UBXN11: variants seen among roughly 807,000 people sequenced by gnomAD.
The protein encoded by UBXN11 is UBX domain-containing protein 11.
UBXN11 carries 47 observed loss-of-function variants against 62.8 expected under a neutral mutation model. The observed-to-expected ratio is 0.75, with a 90% CI of 0.59 to 0.95. UBXN11 has a LOEUF of 0.95. Ranked by LOEUF, UBXN11 falls within the 40% of genes least tolerant of loss-of-function variation. UBXN11 has a pLI of 0.00. For synonymous variants in UBXN11, 294 were observed against 267.0 expected, an observed-to-expected ratio of 1.10 and a Z score of -0.99; for missense variants, 638 against 661.7, an observed-to-expected ratio of 0.96 and a Z score of 0.39.
intron 12 of UBXN11, 36 bp from the exon 13 acceptor site, chr1:26,282,973 G>A: frequency 1.2e-6 from 2 of 1,613,712 alleles, no homozygotes; most frequent in Non-Finnish European, 1.7e-6. Flanking sequence ...CAGAGCCCTA[G>A]GCCCCATTTG....
At chr1:26,284,791 C>G (rs543189001) in intron 10 of UBXN11, 1 of 1,135,974 alleles carries the variant, frequency 8.8e-7, no homozygotes, top group African/African-American at 1.6e-5. Flanking sequence ...GGACAAAGCC[C>G]CTGCTTTTTT....
rs770463003 is a variant in UBXN11, at chr1:26,302,930, C to T, written c.-35-12G>A. On this transcript the variant is annotated splice_polypyrimidine_tract_variant and intron_variant, in intron 1 of 14. Transcript: ENST00000374222. ...CTGTCAGGAACTCCCTAGAGGAATG[C>T]AGGAAGTCAGCCCCTGGGGACAGAC... The T allele has an allele frequency of 6.3e-7, 1 of 1,587,762 alleles. No individual in the cohort carries two copies. The highest frequency in any genetic ancestry group is 1.1e-5 in the South Asian group (1 of 89,746).
At chr1:26,313,712 G>A (rs1409809795) in intron 1 of UBXN11, among the ~76,000 whole-genome samples, 2 of 151,208 alleles carry the variant, frequency 1.3e-5, no homozygotes, top group Non-Finnish European at 2.9e-5. Flanking sequence ...TATCCACTGA[G>A]TTCCTAATTT....
chr1:26,315,664 C>T (rs2073784002), intron 1 of UBXN11, among the ~76,000 whole-genome samples: 1 of 152,074 alleles, frequency 6.6e-6, no homozygotes, highest in African/African-American at 2.4e-5. Context: ...CTTTTCTTCT[C>T]TTCTCTTTTT....
At position 26,318,272 on chromosome 1, in the gene UBXN11, G is replaced by A. The variant is rs555847345; in HGVS notation, c.-374C>T. The stretch of plus-strand genomic sequence containing the variant: ...TTCTGGCTGGGGCTGCACTGCTTGC[G>A]GGCTGCCCTGAGAGAAACCTGTATC... On this transcript the variant is annotated 5_prime_UTR_variant, in exon 1 of 15. Coordinates refer to the UBXN11 transcript ENST00000374217. 13 of 574,438 alleles carry A rather than the reference G, an allele frequency of 2.3e-5. No individual in the cohort carries two copies. The East Asian group carries it at 2.3e-4, about 10-fold the overall frequency. The allele number at this position is 574,438 out of a possible 1,614,324, so 35.6% of individuals were successfully genotyped here. A position where few individuals can be genotyped will look rare whatever the true frequency, so the allele number is the denominator to read the frequency against.
Position 26,282,328 on chromosome 1 carries a change from A to AGGGACC in UBXN11, c.1533_1534insGGTCCC (p.Pro511_Cys512insGlyPro), listed in dbSNP as rs1214514596. 1.5e-5 allele frequency: 12 copies of AGGGACC among 778,078 alleles called. No individual in the cohort carries two copies. In the East Asian group the frequency reaches 3.3e-4, roughly 21 times the overall value. The allele number at this position is 778,078 out of a possible 1,614,324, so 48.2% of individuals were successfully genotyped here. A position where few individuals can be genotyped will look rare whatever the true frequency, so the allele number is the denominator to read the frequency against. ...TGGGGGCTGGGACTGGGTCCAGGAC[A>AGGGACC]GGGACTGGGGCCGGGACCGGGACCG... On this transcript the variant is annotated inframe_insertion, in exon 15 of 15. Coordinates refer to ENST00000374222, the MANE Select transcript of UBXN11 (RefSeq NM_001389556.1).
chr1:26,310,453 A>C (rs1161744224), upstream of UBXN11, among the ~76,000 whole-genome samples: 1 of 151,666 alleles, frequency 6.6e-6, no homozygotes, highest in Non-Finnish European at 1.5e-5. Flanking sequence ...CAGGAGAATC[A>C]CTTGAACCCA....
intron 1 of UBXN11, among the ~76,000 whole-genome samples, chr1:26,305,898 T>A (rs1417031298): frequency 1.3e-5 from 2 of 152,190 alleles, no homozygotes; most frequent in African/African-American, 4.8e-5. Context: ...CTAGTGGGAC[T>A]CTCACTGCCC....
intron 3 of UBXN11, 69 bp downstream of exon 3, chr1:26,301,625 C>T: frequency 6.3e-7 from 1 of 1,595,076 alleles, no homozygotes; most frequent in Non-Finnish European, 8.6e-7. Context: ...GATTTCTCTC[C>T]ATCGGTCCAA....
intron 7 of UBXN11, among the ~76,000 whole-genome samples, chr1:26,295,357 G>A (rs532153589): frequency 1.5e-4 from 23 of 152,120 alleles, no homozygotes; most frequent in Admixed American, 1.4e-3. Flanking sequence ...CAGGGGCGGC[G>A]CCTGCTTCCC....
chr1:26,291,055 C>T (rs369839913), intron 8 of UBXN11, among the ~76,000 whole-genome samples: 8 of 152,232 alleles, frequency 5.3e-5, no homozygotes, highest in Admixed American at 1.3e-4. Flanking sequence ...ATGGCCCCAC[C>T]GGCCCTCCTC....
chr1:26,317,902 T>A, intron 1 of UBXN11: 1 of 867,496 alleles, frequency 1.2e-6, no homozygotes, highest in Admixed American at 1.9e-5. Flanking sequence ...TCTCCCTACC[T>A]CACCCCGCCT....
chr1:26,285,156 C>T, intron 10 of UBXN11: 1 of 1,148,318 alleles, frequency 8.7e-7, no homozygotes, highest in Non-Finnish European at 1.1e-6. Flanking sequence ...TGGGGGACAG[C>T]CGGGCCACTT....
intron 1 of UBXN11, among the ~76,000 whole-genome samples, chr1:26,303,994 T>C (rs1256457464): frequency 6.6e-6 from 1 of 152,266 alleles, no homozygotes; most frequent in African/African-American, 2.4e-5. Context: ...TGACCTCAGG[T>C]GATCCGCCCC....
chr1:26,316,412 G>A (rs1175880224), intron 1 of UBXN11, among the ~76,000 whole-genome samples: 2 of 151,940 alleles, frequency 1.3e-5, no homozygotes, highest in African/African-American at 4.8e-5. Context: ...AAGGAAGGGA[G>A]AGTGTGAAGG....
intron 1 of UBXN11, among the ~76,000 whole-genome samples, chr1:26,313,205 T>G (rs2073761052): frequency 6.6e-6 from 1 of 152,080 alleles, no homozygotes; most frequent in Admixed American, 6.6e-5. Context: ...TGTATTCCAT[T>G]CTATCATTGA....
intron 4 of UBXN11, 41 bp from the exon 5 acceptor site, chr1:26,298,103 C>G (rs760610361): frequency 6.3e-7 from 1 of 1,590,596 alleles, no homozygotes; most frequent in Admixed American, 1.7e-5. Flanking sequence ...GACCTAGAGC[C>G]GAGGCTGAGT....
chr1:26,292,534 TAAAG>T (rs1239973770), intron 8 of UBXN11, among the ~76,000 whole-genome samples: 1 of 149,316 alleles, frequency 6.7e-6, no homozygotes, highest in Non-Finnish European at 1.5e-5. Flanking sequence ...AAAAGAAAAA[TAAAG>T]AAAAGAAAAA....
chr1:26,296,736 C>T (rs1041409584), intron 7 of UBXN11, among the ~76,000 whole-genome samples, 183 bp downstream of exon 7: 3 of 152,220 alleles, frequency 2.0e-5, no homozygotes, highest in African/African-American at 7.2e-5. Context: ...CAGCCCCAGA[C>T]ACCTCCCTGG....
Sources: allele counts gnomAD v4.1 joint callset (sites outside exome capture counted in the v4.1 genomes callset), GRCh38; gene constraint gnomAD v4.1.1; transcripts MANE v1.5; gene names NCBI Gene and HGNC (gene_info 2026-07-23, HGNC 2026-07-21).